RIMS2: variants seen among roughly 807,000 people sequenced by gnomAD.
RIMS2 encodes the protein regulating synaptic membrane exocytosis 2.
RIMS2 carries 59 observed loss-of-function variants against 174.4 expected under a neutral mutation model. The observed-to-expected ratio is 0.34, with a 90% confidence interval of 0.27 to 0.42. The LOEUF is 0.42. Among genes scored for constraint, RIMS2 ranks in the 10% least tolerant of loss-of-function variants. The probability of loss-of-function intolerance (pLI) is 1.00; values close to 1 mark genes in which losing one functional copy is unlikely to be tolerated. For synonymous variants in RIMS2, 606 were observed against 572.5 expected (o/e 1.06, Z -0.84); for missense variants, 1,620 against 1,666.3 (o/e 0.97, Z 0.48).
At chr8:103,615,739 A>G (rs939425262) in intron 1 of RIMS2, among the ~76,000 whole-genome samples, 5 of 152,178 alleles carry the variant, frequency 3.3e-5, no homozygotes, top group African/African-American at 1.2e-4. Context: ...AACTACTACA[A>G]ACACCTCTAT....
At chr8:103,974,781 T>C (rs758757523) in intron 15 of RIMS2, among the ~76,000 whole-genome samples, 22 of 152,180 alleles carry the variant, frequency 1.4e-4, no homozygotes, top group Non-Finnish European at 2.6e-4. Flanking sequence ...TCCCAGCTAC[T>C]TGGGAGACTG....
chr8:103,827,046 G>A (rs186349218), intron 3 of RIMS2, among the ~76,000 whole-genome samples: 124 of 152,170 alleles, frequency 8.1e-4, no homozygotes, highest in African/African-American at 2.7e-3. Flanking sequence ...CTCGGATTGC[G>A]ATGTATTTTT....
At chr8:103,884,090 G>A (rs1368022884) in intron 3 of RIMS2, among the ~76,000 whole-genome samples, 1 of 151,796 alleles carries the variant, frequency 6.6e-6, no homozygotes, top group Non-Finnish European at 1.5e-5. Flanking sequence ...AACCTAATTG[G>A]TAGATTGGCA....
At chr8:104,097,077 T>G (rs946446379) in intron 19 of RIMS2, among the ~76,000 whole-genome samples, 3 of 152,270 alleles carry the variant, frequency 2.0e-5, no homozygotes, top group African/African-American at 7.2e-5. Flanking sequence ...TAATAACAAC[T>G]TATGTTCTTA....
intron 17 of RIMS2, among the ~76,000 whole-genome samples, chr8:103,997,400 T>G (rs1394159287): frequency 6.6e-6 from 1 of 151,848 alleles, no homozygotes; most frequent in Non-Finnish European, 1.5e-5. Flanking sequence ...TTGTGGAATT[T>G]GAGAGAGTTC....
chr8:103,737,379 G>T (rs556699265), intron 2 of RIMS2, among the ~76,000 whole-genome samples: 1 of 151,208 alleles, frequency 6.6e-6, no homozygotes, highest in Non-Finnish European at 1.5e-5. Flanking sequence ...TAGAGATAGG[G>T]TTTCACCATG....
chr8:103,692,225 C>T (rs985523899), intron 1 of RIMS2, among the ~76,000 whole-genome samples: 4 of 152,188 alleles, frequency 2.6e-5, no homozygotes, highest in Non-Finnish European at 5.9e-5. Flanking sequence ...CCTGTGTTCA[C>T]TCAAGGTTCA....
intron 1 of RIMS2, among the ~76,000 whole-genome samples, chr8:103,692,159 G>T (rs1284332108): frequency 6.6e-6 from 1 of 152,166 alleles, no homozygotes; most frequent in Non-Finnish European, 1.5e-5. Flanking sequence ...CAGACCTAAA[G>T]CCAGCCCAGC....
chr8:103,945,365 A>G (rs1475552137), intron 14 of RIMS2, among the ~76,000 whole-genome samples: 1 of 152,140 alleles, frequency 6.6e-6, no homozygotes, highest in Non-Finnish European at 1.5e-5. Context: ...TTTTAAACCT[A>G]AGAAAAGAAA....
In RIMS2 at chr8:103,594,837, T is replaced by C. The variant is rs114008908; in HGVS notation, c.176+93775T>C. 6.4e-3 allele frequency among the ~76,000 whole-genome samples: 974 copies of C among 151,922 alleles called. 11 individuals are homozygous for C. The highest frequency in any genetic ancestry group is 0.022 in the African/African-American group (908 of 41,540). Reference sequence around the variant, plus strand: ...TAAGTTGCCTAACCTTCATTTACAATATATAAGTATGTTTCACCTGGCTGC... The same window carrying C: ...TAAGTTGCCTAACCTTCATTTACAACATATAAGTATGTTTCACCTGGCTGC... On this transcript the variant is annotated intron_variant, in intron 1 of 23. Transcript: ENST00000504942.
intron 3 of RIMS2, among the ~76,000 whole-genome samples, chr8:103,833,356 T>A (rs892641183): frequency 3.3e-5 from 5 of 152,136 alleles, no homozygotes; most frequent in Non-Finnish European, 7.4e-5. Context: ...TTTATTGGAT[T>A]TATTTTGCTT....
intron 9 of RIMS2, 88 bp from the exon 13 acceptor site, chr8:103,921,584 T>C (rs897479196): frequency 1.7e-5 from 12 of 690,802 alleles, no homozygotes; most frequent in Middle Eastern, 5.1e-4. Flanking sequence ...ATCAAAAAAA[T>C]AAATAATTTA....
At chr8:103,946,988 G>A (rs2083954270) in intron 14 of RIMS2, among the ~76,000 whole-genome samples, 1 of 152,084 alleles carries the variant, frequency 6.6e-6, no homozygotes, top group African/African-American at 2.4e-5. Flanking sequence ...ATCAATGGGG[G>A]GGAATAGTTT....
At chr8:104,029,574 A>G (rs985227395) in intron 19 of RIMS2, among the ~76,000 whole-genome samples, 2 of 152,144 alleles carry the variant, frequency 1.3e-5, no homozygotes, top group Admixed American at 6.6e-5. Context: ...TTCTGTTACC[A>G]GCATATGTTA....
chr8:103,531,056 A>AGATTATCAG (rs1381825181), intron 1 of RIMS2, among the ~76,000 whole-genome samples: 2 of 151,112 alleles, frequency 1.3e-5, no homozygotes, highest in Non-Finnish European at 3.0e-5. Flanking sequence ...AGGCAAAACA[A>AGATTATCAG]GATTATCAGT....
At chr8:103,778,665 A>T (rs1435554544) in intron 3 of RIMS2, among the ~76,000 whole-genome samples, 2 of 152,152 alleles carry the variant, frequency 1.3e-5, no homozygotes, top group Non-Finnish European at 2.9e-5. Context: ...ATAGGCATTT[A>T]GGTTGATTTT....
chr8:103,921,722 A>G, exon 10 of RIMS2: 1 of 1,580,690 alleles, frequency 6.3e-7, no homozygotes, highest in Non-Finnish European at 8.7e-7. Context: ...TATTTCTGTT[A>G]CCTCTCCCAT....
At chr8:103,730,545 T>C (rs2097578634) in intron 2 of RIMS2, among the ~76,000 whole-genome samples, 1 of 152,254 alleles carries the variant, frequency 6.6e-6, no homozygotes, top group Admixed American at 6.5e-5. Flanking sequence ...TGTCTTTGTC[T>C]AGAAATTTTT....
intron 3 of RIMS2, among the ~76,000 whole-genome samples, chr8:103,836,921 C>T (rs1458976165): frequency 2.6e-5 from 4 of 152,110 alleles, no homozygotes; most frequent in Non-Finnish European, 4.4e-5. Context: ...AAAGTGGTAC[C>T]ACAGTTTGAT....
Sources: gnomAD v4.1 joint callset for allele counts (sites outside exome capture counted in the v4.1 genomes callset) on GRCh38, gnomAD v4.1.1 for gene constraint, MANE v1.5 for transcripts, NCBI Gene and HGNC (gene_info 2026-07-23, HGNC 2026-07-21) for gene names.